TNR: variants seen among roughly 807,000 people sequenced by gnomAD.
TNR encodes tenascin R.
In TNR, 45 loss-of-function variants were observed where a neutral mutation model predicts 150.4. The observed-to-expected ratio is 0.30, with a 90% CI of 0.24 to 0.38. The LOEUF is 0.38. TNR is among the 10% of genes least tolerant of loss of function. TNR has a pLI of 1.00. For missense variants in TNR, 1,544 were observed against 1,759.1 expected (o/e 0.88, Z 2.19); for synonymous variants, 687 against 678.4 (o/e 1.01, Z -0.20).
At chr1:175,603,181 A>T (rs1231005934) in intron 1 of TNR, among the ~76,000 whole-genome samples, 1 of 152,232 alleles carries the variant, frequency 6.6e-6, no homozygotes, top group Non-Finnish European at 1.5e-5. Flanking sequence ...ACCTGGCACT[A>T]AAGTATAAAT....
chr1:175,718,249 C>A (rs1291939804), intron 1 of TNR, among the ~76,000 whole-genome samples: 1 of 152,172 alleles, frequency 6.6e-6, no homozygotes. Context: ...CTGCCCCAGT[C>A]CTTCCCCAGC....
At chr1:175,451,744 C>A (rs548260093) in intron 2 of TNR, among the ~76,000 whole-genome samples, 8 of 152,216 alleles carry the variant, frequency 5.3e-5, no homozygotes, top group African/African-American at 1.7e-4. Flanking sequence ...AGGATTGTAG[C>A]TCTTACTGAT....
At chr1:175,677,705 A>C (rs564153469) in intron 1 of TNR, among the ~76,000 whole-genome samples, 22 of 152,310 alleles carry the variant, frequency 1.4e-4, no homozygotes, top group African/African-American at 5.3e-4. Context: ...GGCTAGAACA[A>C]AGCCGTGTTT....
At chr1:175,373,197 C>A (rs922570383) in intron 9 of TNR, among the ~76,000 whole-genome samples, 18 of 151,960 alleles carry the variant, frequency 1.2e-4, no homozygotes, top group African/African-American at 3.9e-4. Context: ...GGGAGGGCAT[C>A]CCAGACAAAG....
In TNR at chr1:175,355,500, C is replaced by T; in HGVS notation, c.3249+3G>A. The T allele has an allele frequency of 6.2e-7, 1 of 1,613,740 alleles. No individual in the cohort carries two copies. Among genetic ancestry groups the T allele is most frequent in the East Asian group, 2.2e-5 (1 of 44,878 alleles). ...GTCTTTTCCCTTTCCAGCAAAATCT[C>T]ACCTTGCGGCTTCCATCGGTGGATT... On this transcript the variant is annotated splice_donor_region_variant and intron_variant, in intron 17 of 22. Transcript: ENST00000367674.
At position 175,630,507 on chromosome 1, in the gene TNR, A is replaced by G. The variant is rs550576036; in HGVS notation, c.-164-102138T>C. Among the ~76,000 whole-genome samples the G allele has an allele frequency of 7.2e-5, 11 of 152,330 alleles. No homozygotes were observed. The East Asian group carries it at 1.7e-3, about 24-fold the overall frequency. On this transcript the variant is annotated intron_variant, in intron 1 of 22. Coordinates refer to ENST00000367674, the MANE Select transcript of TNR (RefSeq NM_003285.3). Reference sequence around the variant, plus strand: ...GCTGTACATACTTCACTACTGGTCTACAGCAATCTGCAAGGGTTCAGGATG... The same window carrying G: ...GCTGTACATACTTCACTACTGGTCTGCAGCAATCTGCAAGGGTTCAGGATG...
intron 1 of TNR, among the ~76,000 whole-genome samples, chr1:175,710,230 G>C (rs1300884995): frequency 6.6e-6 from 1 of 152,146 alleles, no homozygotes; most frequent in African/African-American, 2.4e-5. Context: ...TGGCAAAGGA[G>C]AGAGAAAGTC....
chr1:175,505,278 A>G (rs1658909304), intron 2 of TNR, among the ~76,000 whole-genome samples: 1 of 152,016 alleles, frequency 6.6e-6, no homozygotes, highest in South Asian at 2.1e-4. Flanking sequence ...CCCCTGCAGA[A>G]CTCTTTCCCA....
At chr1:175,331,499 G>A (rs941138533) in intron 20 of TNR, among the ~76,000 whole-genome samples, 5 of 152,012 alleles carry the variant, frequency 3.3e-5, no homozygotes, top group Non-Finnish European at 5.9e-5. Flanking sequence ...TCCTGACCTC[G>A]TGATCTGCCC....
intron 2 of TNR, among the ~76,000 whole-genome samples, chr1:175,455,610 G>A (rs2102098519): frequency 6.6e-6 from 1 of 152,340 alleles, no homozygotes; most frequent in East Asian, 1.9e-4. Flanking sequence ...GTGGGACTAT[G>A]TCAGGGAAGT....
At position 175,396,608 on chromosome 1, in the gene TNR, G is replaced by A. The variant is rs755457289; in HGVS notation, c.1176C>T (p.Asn392=). 1.2e-6 allele frequency: 2 copies of A among 1,614,114 alleles called. No homozygotes were observed. Among genetic ancestry groups the A allele is most frequent in the Admixed American group, 1.7e-5 (1 of 60,006 alleles). Residue 392 remains asparagine, a synonymous_variant, in exon 5 of 23, where the codon AAC becomes AAT. Transcript: ENST00000367674. ...TGCTAATGACAGCGTAGACGCTGAT[G>A]TTGTAGGTGAGACCTGGCTCCAGCT... ...ITELEPGLTY[N]ISVYAVISNI...
intron 1 of TNR, among the ~76,000 whole-genome samples, chr1:175,695,220 A>G (rs951799862): frequency 2.0e-5 from 3 of 152,190 alleles, no homozygotes; most frequent in African/African-American, 7.2e-5. Flanking sequence ...GCCAGCTGCC[A>G]CATCATGAGG....
At chr1:175,510,402 G>A (rs926920670) in intron 2 of TNR, among the ~76,000 whole-genome samples, 9 of 151,098 alleles carry the variant, frequency 6.0e-5, no homozygotes, top group African/African-American at 1.7e-4. Context: ...GTTACCATCC[G>A]TGTGCACAAA....
chr1:175,574,980 T>C (rs1662041679), intron 1 of TNR, among the ~76,000 whole-genome samples: 1 of 152,248 alleles, frequency 6.6e-6, no homozygotes, highest in Admixed American at 6.5e-5. Flanking sequence ...CCTCATGGAA[T>C]TTAGTAACTA....
At chr1:175,430,520 T>C (rs1316765259) in intron 2 of TNR, among the ~76,000 whole-genome samples, 2 of 152,184 alleles carry the variant, frequency 1.3e-5, no homozygotes, top group East Asian at 3.9e-4. Context: ...GCACTTTCAA[T>C]GAGTACAGAC....
At chr1:175,462,372 C>T (rs575036252) in intron 2 of TNR, among the ~76,000 whole-genome samples, 162 of 152,280 alleles carry the variant, frequency 1.1e-3, no homozygotes, top group African/African-American at 3.7e-3. Flanking sequence ...TCTCAGGCTT[C>T]TTGTGTGTAC....
chr1:175,454,020 G>A lies in TNR; in HGVS notation c.-63-47243C>T, dbSNP rs543498119. 2.6e-5 allele frequency among the ~76,000 whole-genome samples: 4 copies of A among 152,324 alleles called. No homozygotes were observed. The South Asian group carries it at 8.3e-4, about 32-fold the overall frequency. ...CCTGCTGTCCTCACAGGCAAAGGAA[G>A]ATGTGCTTAGGCCTAGTACTGTTGC... On this transcript the variant is annotated intron_variant, in intron 2 of 22. Transcript: ENST00000367674.
chr1:175,660,118 C>A (rs1400038879), intron 1 of TNR, among the ~76,000 whole-genome samples: 1 of 152,166 alleles, frequency 6.6e-6, no homozygotes, highest in South Asian at 2.1e-4. Flanking sequence ...CATCCCCTCT[C>A]TGGACTCAGT....
At chr1:175,558,288 T>C (rs111420059) in intron 1 of TNR, among the ~76,000 whole-genome samples, 1 of 151,486 alleles carries the variant, frequency 6.6e-6, no homozygotes, top group African/African-American at 2.4e-5. Context: ...AAAAAAAAGA[T>C]AGCCATTCTA....
Sources: allele counts gnomAD v4.1 joint callset (sites outside exome capture counted in the v4.1 genomes callset), GRCh38; gene constraint gnomAD v4.1.1; transcripts MANE v1.5; gene names NCBI Gene and HGNC (gene_info 2026-07-23, HGNC 2026-07-21).